The following VSNL1 variants were observed in gnomAD, a reference collection of about 807,000 sequenced individuals.
VSNL1 encodes visinin-like protein 1.
A neutral mutation model predicts 20.4 loss-of-function variants in VSNL1; 6 were observed. That is an observed-to-expected ratio of 0.29 (90% CI 0.16 to 0.58). VSNL1 has a LOEUF of 0.58. VSNL1 is among the 20% of genes least tolerant of loss of function. The pLI, the probability that VSNL1 is intolerant of heterozygous loss-of-function variation, is 0.90. For missense variants in VSNL1, 100 were observed against 234.5 expected, an observed-to-expected ratio of 0.43 and a Z score of 3.75; for synonymous variants, 93 against 86.4, an observed-to-expected ratio of 1.08 and a Z score of -0.42.
At chr2:17,614,938 G>A (rs1013121650) in intron 2 of VSNL1, among the ~76,000 whole-genome samples, 4 of 152,212 alleles carry the variant, frequency 2.6e-5, no homozygotes, top group African/African-American at 7.2e-5. Flanking sequence ...CTGCACTTAG[G>A]AAGTTACCAA....
intron 3 of VSNL1, among the ~76,000 whole-genome samples, chr2:17,652,318 A>G (rs1225068327): frequency 6.6e-6 from 1 of 152,262 alleles, no homozygotes; most frequent in East Asian, 1.9e-4. Flanking sequence ...GTAAAAAAGG[A>G]AAAGTGAGAA....
intron 1 of VSNL1, among the ~76,000 whole-genome samples, chr2:17,559,365 A>G (rs542806032): frequency 3.9e-5 from 6 of 151,942 alleles, no homozygotes; most frequent in East Asian, 1.9e-4. Context: ...TATTTAATGT[A>G]GATGTTCAAT....
intron 2 of VSNL1, among the ~76,000 whole-genome samples, chr2:17,596,460 G>A (rs1310180181): frequency 2.0e-5 from 3 of 152,130 alleles, no homozygotes; most frequent in African/African-American, 7.2e-5. Context: ...AATTGGCCAC[G>A]GTTTAATGAG....
chr2:17,637,837 A>G (rs1352382047), intron 2 of VSNL1, among the ~76,000 whole-genome samples: 1 of 152,186 alleles, frequency 6.6e-6, no homozygotes, highest in Admixed American at 6.5e-5. Context: ...GGCTCCTGGT[A>G]AATATTCCAA....
Position 17,655,480 on chromosome 2 carries a change from C to T in VSNL1, c.*86C>T. ...TCACACACACACACACACACACACA[C>T]ACACACACACACACACACACAAATA... On this transcript the variant is annotated 3_prime_UTR_variant, in exon 4 of 4. Transcript: ENST00000295156. This position sits in a 1 kb window ranked among gnomAD's most constrained non-coding sequence, Gnocchi z 5.2. 8.5e-6 allele frequency: 9 copies of T among 1,062,328 alleles called. No individual in the cohort carries two copies. The highest frequency in any genetic ancestry group is 9.5e-6 in the Non-Finnish European group (7 of 733,134). The allele number at this position is 1,062,328 out of a possible 1,614,324, so 65.8% of individuals were successfully genotyped here. A position where few individuals can be genotyped will look rare whatever the true frequency, so the allele number is the denominator to read the frequency against.
chr2:17,637,134 C>T (rs1349216975), intron 2 of VSNL1, among the ~76,000 whole-genome samples: 1 of 152,180 alleles, frequency 6.6e-6, no homozygotes, highest in African/African-American at 2.4e-5. Context: ...CTTCCCCTTC[C>T]CACAGGGAAG....
At position 17,618,294 on chromosome 2, in the gene VSNL1, AGAAT is replaced by A. The variant is rs201634575; in HGVS notation, c.162+26059_162+26062del. Among the ~76,000 whole-genome samples the A allele has an allele frequency of 2.6e-4, 40 of 152,266 alleles. No individual in the cohort carries two copies. The East Asian group carries it at 3.9e-3, about 15-fold the overall frequency. On this transcript the variant is annotated intron_variant, in intron 2 of 3. Coordinates refer to ENST00000295156, the MANE Select transcript of VSNL1 (RefSeq NM_003385.5). Reference sequence around the variant, plus strand: ...GGGTTTCTTTTGGAGGTTCTAGGAGAGAATCCATTCCCTTACCTTTCTCACCTCC... The same window carrying A: ...GGGTTTCTTTTGGAGGTTCTAGGAGACCATTCCCTTACCTTTCTCACCTCC...
At chr2:17,654,163 T>A (rs138842855) in intron 3 of VSNL1, among the ~76,000 whole-genome samples, 1 of 152,284 alleles carries the variant, frequency 6.6e-6, no homozygotes, top group African/African-American at 2.4e-5. Context: ...CTGCTATGAA[T>A]GTTCTCATGC....
chr2:17,562,565 C>T (rs1204356069), intron 1 of VSNL1, among the ~76,000 whole-genome samples: 1 of 152,144 alleles, frequency 6.6e-6, no homozygotes, highest in African/African-American at 2.4e-5. Flanking sequence ...GTTCTTTCTG[C>T]TCCCCTATAA....
intron 2 of VSNL1, among the ~76,000 whole-genome samples, chr2:17,597,062 C>CT (rs1230343048): frequency 6.6e-6 from 1 of 152,148 alleles, no homozygotes; most frequent in Admixed American, 6.5e-5. Context: ...GTGAGAGACT[C>CT]TATGAAATTT....
intron 2 of VSNL1, among the ~76,000 whole-genome samples, chr2:17,603,089 A>G (rs911075258): frequency 6.6e-6 from 1 of 152,240 alleles, no homozygotes; most frequent in Non-Finnish European, 1.5e-5. Context: ...ATTTCAAGAC[A>G]CCTTGAAATT....
intron 2 of VSNL1, among the ~76,000 whole-genome samples, chr2:17,622,238 G>A (rs1232519829): frequency 6.6e-6 from 1 of 151,546 alleles, no homozygotes; most frequent in Admixed American, 6.6e-5. Flanking sequence ...ATCAGGCTGG[G>A]CATGGTGCCT....
chr2:17,602,558 C>A (rs915844648), intron 2 of VSNL1, among the ~76,000 whole-genome samples: 3 of 152,106 alleles, frequency 2.0e-5, no homozygotes, highest in Non-Finnish European at 2.9e-5. Context: ...GCCTGGCCAA[C>A]ACGGCGAAAC....
chr2:17,573,296 G>A (rs1369982930), intron 1 of VSNL1, among the ~76,000 whole-genome samples: 1 of 152,146 alleles, frequency 6.6e-6, no homozygotes, highest in Non-Finnish European at 1.5e-5. Flanking sequence ...ACCCCTATGG[G>A]TCTTACAAAA....
intron 2 of VSNL1, among the ~76,000 whole-genome samples, chr2:17,639,405 C>T (rs566932057): frequency 1.1e-4 from 17 of 152,308 alleles, no homozygotes; most frequent in African/African-American, 4.1e-4. Flanking sequence ...CTCTGCCTCC[C>T]TAACCACATG....
At chr2:17,638,877 G>T (rs1232257352) in intron 2 of VSNL1, among the ~76,000 whole-genome samples, 1 of 152,210 alleles carries the variant, frequency 6.6e-6, no homozygotes, top group Admixed American at 6.5e-5. Context: ...CTTCCCAGGG[G>T]AGTATTTTGC....
intron 2 of VSNL1, 52 bp downstream of exon 2, chr2:17,592,288 TTCATG>T: frequency 6.3e-7 from 1 of 1,575,118 alleles, no homozygotes; most frequent in Non-Finnish European, 8.7e-7. Context: ...AACTATGGCC[TTCATG>T]AAATTGTACC....
chr2:17,548,508 C>A (rs1220803429), intron 1 of VSNL1, among the ~76,000 whole-genome samples: 2 of 152,034 alleles, frequency 1.3e-5, no homozygotes, highest in South Asian at 2.1e-4. Context: ...TATTTTCTCA[C>A]TGGTGAAAAT....
chr2:17,605,137 G>A (rs950420395), intron 2 of VSNL1, among the ~76,000 whole-genome samples: 2 of 152,176 alleles, frequency 1.3e-5, no homozygotes, highest in Non-Finnish European at 2.9e-5. Context: ...CTTTACAAGT[G>A]TCTGCTATTC....
Sources: gnomAD v4.1 joint callset for allele counts (sites outside exome capture counted in the v4.1 genomes callset) on GRCh38, gnomAD v4.1.1 for gene constraint, Gnocchi (gnomAD v3.1) non-coding constraint, MANE v1.5 for transcripts, NCBI Gene and HGNC (gene_info 2026-07-23, HGNC 2026-07-21) for gene names.